The following RAB3C variants were observed in gnomAD, a reference collection of about 807,000 sequenced individuals.
The protein encoded by RAB3C is RAB3C, member RAS oncogene family, also known as ras-related protein Rab-3C.
Under a neutral mutation model 26.4 loss-of-function variants are expected in RAB3C, and 17 were observed. That is an observed-to-expected ratio of 0.64 (90% CI 0.44 to 0.97). RAB3C has a LOEUF of 0.97. Among genes scored for constraint, RAB3C ranks in the 50% least tolerant of loss-of-function variants. The pLI, the probability that RAB3C is intolerant of heterozygous loss-of-function variation, is 0.00. For missense variants in RAB3C, 242 were observed against 281.9 expected, an observed-to-expected ratio of 0.86 and a Z score of 1.01; for synonymous variants, 91 against 95.9, an observed-to-expected ratio of 0.95 and a Z score of 0.30.
chr5:58,586,289 C>G (rs963934918), intron 1 of RAB3C, among the ~76,000 whole-genome samples: 16 of 151,996 alleles, frequency 1.1e-4, no homozygotes, highest in African/African-American at 3.6e-4. Context: ...AATAACTTTC[C>G]CACTAGGATA....
intron 3 of RAB3C, among the ~76,000 whole-genome samples, chr5:58,737,984 A>T (rs1485705509): frequency 6.6e-6 from 1 of 152,206 alleles, no homozygotes; most frequent in African/African-American, 2.4e-5. Context: ...TCTTTCCCTA[A>T]AACAGCATTT....
rs77282990 is a variant in RAB3C at position 58,823,419 on chromosome 5, G to A, written c.372-1619G>A. The stretch of plus-strand genomic sequence containing the variant: ...TGCACCTGTTGTTCCAGCTACTCAG[G>A]GGGCTGAGGCGGGACGATTGCTTGA... On this transcript the variant is annotated intron_variant, in intron 3 of 4. Coordinates refer to ENST00000282878, the MANE Select transcript of RAB3C (RefSeq NM_138453.4). Among the ~76,000 whole-genome samples the A allele has an allele frequency of 8.0e-3, 1,223 of 152,220 alleles. 21 individuals carry two copies. Among genetic ancestry groups the A allele is most frequent in the African/African-American group, 0.028 (1,151 of 41,504 alleles).
At chr5:58,812,988 C>T (rs1172721709) in intron 3 of RAB3C, among the ~76,000 whole-genome samples, 3 of 152,122 alleles carry the variant, frequency 2.0e-5, no homozygotes, top group African/African-American at 7.2e-5. Flanking sequence ...TAATTAGGTA[C>T]AAAAACTGGA....
In RAB3C at chr5:58,722,347, A is replaced by G. The variant is rs140112670; in HGVS notation, c.253-3655A>G. On this transcript the variant is annotated intron_variant, in intron 2 of 4. Coordinates refer to ENST00000282878, the MANE Select transcript of RAB3C (RefSeq NM_138453.4). ...CTGAGAAATTAGGGGGAAGCTGTCTATTGTAGTGCAGAGAAGGCAGCAGGC... is the reference window on the plus strand; with the variant it reads ...CTGAGAAATTAGGGGGAAGCTGTCTGTTGTAGTGCAGAGAAGGCAGCAGGC... 4.4e-4 allele frequency among the ~76,000 whole-genome samples: 66 copies of G among 151,632 alleles called. No homozygotes were observed. In the Middle Eastern group the frequency reaches 0.01, roughly 23 times the overall value.
intron 3 of RAB3C, among the ~76,000 whole-genome samples, chr5:58,730,290 A>G (rs1740987776): frequency 1.3e-5 from 2 of 151,996 alleles, no homozygotes; most frequent in Admixed American, 1.3e-4. Context: ...AGTAAAAAAA[A>G]TCAGAAATCT....
intron 1 of RAB3C, among the ~76,000 whole-genome samples, chr5:58,615,850 T>G (rs943469803): frequency 1.3e-5 from 2 of 152,162 alleles, no homozygotes; most frequent in Non-Finnish European, 2.9e-5. Flanking sequence ...GGTTTTTTGT[T>G]TGTCCTTATT....
At position 58,851,258 on chromosome 5, in the gene RAB3C, G is replaced by C; in HGVS notation, c.591G>C (p.Glu197Asp). ...LVDIICDKMS[E>D]SLETDPAITA... ...ATATCATCTGCGACAAAATGTCAGAGAGTTTGGAGACTGATCCTGCCATCA... is the reference window on the plus strand; with the variant it reads ...ATATCATCTGCGACAAAATGTCAGACAGTTTGGAGACTGATCCTGCCATCA... Residue 197 changes from glutamate (E) to aspartate (D), a missense_variant, in exon 5 of 5, where the codon GAG becomes GAC. Coordinates refer to ENST00000282878, the MANE Select transcript of RAB3C (RefSeq NM_138453.4). 6.2e-7 allele frequency: 1 copy of C among 1,613,980 alleles called. No individual in the cohort carries two copies. The highest frequency in any genetic ancestry group is 8.5e-7 in the Non-Finnish European group (1 of 1,179,944).
intron 2 of RAB3C, among the ~76,000 whole-genome samples, chr5:58,694,456 G>A (rs887366830): frequency 6.6e-6 from 1 of 152,238 alleles, no homozygotes; most frequent in Admixed American, 6.5e-5. Context: ...CCCAGTAATG[G>A]GATTGCTGGG....
chr5:58,805,589 GA>G (rs1554019798), intron 3 of RAB3C, among the ~76,000 whole-genome samples: 99 of 107,126 alleles, frequency 9.2e-4, no homozygotes, highest in East Asian at 3.3e-3. Context: ...GACTCCATCT[GA>G]AAAAAAAAAA....
chr5:58,616,833 A>T (rs1746834470), intron 1 of RAB3C, among the ~76,000 whole-genome samples: 1 of 152,102 alleles, frequency 6.6e-6, no homozygotes, highest in South Asian at 2.1e-4. Context: ...TTCCGACATG[A>T]TCTTCTAGGG....
At chr5:58,619,287 T>C (rs1746885544) in intron 2 of RAB3C, among the ~76,000 whole-genome samples, 1 of 152,160 alleles carries the variant, frequency 6.6e-6, no homozygotes, top group Non-Finnish European at 1.5e-5. Context: ...TTGGGAGTGT[T>C]CCTTTTCAGA....
At chr5:58,792,962 T>G (rs1218264794) in intron 3 of RAB3C, among the ~76,000 whole-genome samples, 1 of 152,164 alleles carries the variant, frequency 6.6e-6, no homozygotes, top group Non-Finnish European at 1.5e-5. Flanking sequence ...ATTCTCATGT[T>G]TGCTAGCACA....
chr5:58,606,726 C>T (rs1746580761), intron 1 of RAB3C, among the ~76,000 whole-genome samples: 1 of 152,180 alleles, frequency 6.6e-6, no homozygotes, highest in Non-Finnish European at 1.5e-5. Flanking sequence ...TGCTATTCTG[C>T]AATATTTGCT....
At chr5:58,653,026 G>A (rs1337335680) in intron 2 of RAB3C, among the ~76,000 whole-genome samples, 1 of 152,076 alleles carries the variant, frequency 6.6e-6, no homozygotes, top group African/African-American at 2.4e-5. Flanking sequence ...GAATGTGCAG[G>A]TTTGTTACAT....
chr5:58,693,520 A>G (rs761680024), intron 2 of RAB3C, among the ~76,000 whole-genome samples: 61 of 151,896 alleles, frequency 4.0e-4, no homozygotes, highest in Non-Finnish European at 6.3e-4. Context: ...CAAATGTAAC[A>G]AAACACTGCA....
At chr5:58,837,024 C>T (rs1233926955) in intron 4 of RAB3C, among the ~76,000 whole-genome samples, 1 of 152,116 alleles carries the variant, frequency 6.6e-6, no homozygotes, top group Non-Finnish European at 1.5e-5. Context: ...TTTCTTTTCT[C>T]TGCATCCTCA....
At chr5:58,663,907 T>C in intron 2 of RAB3C, among the ~76,000 whole-genome samples, 1 of 152,190 alleles carries the variant, frequency 6.6e-6, no homozygotes, top group Non-Finnish European at 1.5e-5. Context: ...AGCAAGTGCA[T>C]GTTTTATATC....
chr5:58,604,581 G>T (rs1340822389), intron 1 of RAB3C, among the ~76,000 whole-genome samples: 1 of 152,140 alleles, frequency 6.6e-6, no homozygotes, highest in Non-Finnish European at 1.5e-5. Context: ...TGTCAGGAAA[G>T]TAGGGGAAAG....
chr5:58,693,347 T>TATATATATATATATACAC lies in RAB3C; in HGVS notation c.253-32640_253-32639insCACATATATATATATATA, dbSNP rs1173401450. Reference sequence around the variant, plus strand: ...TTATATATATATGTGTATATATATATATATATATATATATAAAATTTCTTA... The same window carrying TATATATATATATATACAC: ...TTATATATATATGTGTATATATATATATATATATATATATACACATATATATATATATAAAATTTCTTA... On this transcript the variant is annotated intron_variant, in intron 2 of 4. Transcript: ENST00000282878. Among the ~76,000 whole-genome samples, 2 of 137,852 alleles carry TATATATATATATATACAC rather than the reference T, an allele frequency of 1.5e-5. 1 individual carries two copies. Among genetic ancestry groups the TATATATATATATATACAC allele is most frequent in the African/African-American group, 5.9e-5 (2 of 33,670 alleles). The allele number at this position is 137,852 out of a possible 152,430, so 90.4% of individuals were successfully genotyped here. A position where few individuals can be genotyped will look rare whatever the true frequency, so the allele number is the denominator to read the frequency against.
Sources: allele counts gnomAD v4.1 joint callset (sites outside exome capture counted in the v4.1 genomes callset), GRCh38; gene constraint gnomAD v4.1.1; transcripts MANE v1.5; gene names NCBI Gene and HGNC (gene_info 2026-07-23, HGNC 2026-07-21).